Variants in PBX3 observed in about 807,000 individuals in gnomAD.
PBX3 encodes pre-B-cell leukemia transcription factor 3.
A neutral mutation model predicts 48.5 loss-of-function variants in PBX3; 14 were observed. The observed-to-expected ratio is 0.29, with a 90% CI of 0.19 to 0.45. The LOEUF (loss-of-function observed/expected upper bound fraction) is 0.45, where lower values mean the gene tolerates loss of function less well. Ranked by LOEUF, PBX3 falls within the 20% of genes least tolerant of loss-of-function variation. The pLI is 1.00. For missense variants in PBX3, 386 were observed against 546.7 expected (o/e 0.71, Z 2.93); for synonymous variants, 210 against 200.3 (o/e 1.05, Z -0.41).
chr9:125,789,237 A>G (rs1837536960), intron 2 of PBX3, among the ~76,000 whole-genome samples: 1 of 152,226 alleles, frequency 6.6e-6, no homozygotes, highest in Non-Finnish European at 1.5e-5. Flanking sequence ...TTGCTGCATA[A>G]GGAATAGCCC....
chr9:125,813,456 T>G (rs1185454381), intron 2 of PBX3, among the ~76,000 whole-genome samples: 1 of 152,262 alleles, frequency 6.6e-6, no homozygotes, highest in Non-Finnish European at 1.5e-5. Context: ...TGTATAACAG[T>G]AAATGCAAAC....
chr9:125,808,530 G>A (rs1413464400), intron 2 of PBX3, among the ~76,000 whole-genome samples: 2 of 152,100 alleles, frequency 1.3e-5, no homozygotes, highest in Non-Finnish European at 2.9e-5. Context: ...GCCAGGTGTG[G>A]TGGCATGCGT....
chr9:125,925,990 T>C (rs1213997263), intron 3 of PBX3, among the ~76,000 whole-genome samples: 1 of 152,232 alleles, frequency 6.6e-6, no homozygotes, highest in Non-Finnish European at 1.5e-5. Flanking sequence ...GACTATTAGT[T>C]AACATTCTAT....
chr9:125,763,035 G>A (rs759557958), intron 2 of PBX3, among the ~76,000 whole-genome samples: 3 of 152,124 alleles, frequency 2.0e-5, no homozygotes, highest in Non-Finnish European at 4.4e-5. Flanking sequence ...GACACAAACT[G>A]TGCCATTTAT....
chr9:125,817,340 C>G (rs969511887), intron 2 of PBX3, among the ~76,000 whole-genome samples: 1 of 152,186 alleles, frequency 6.6e-6, no homozygotes, highest in East Asian at 1.9e-4. Flanking sequence ...ATTTGCATCC[C>G]ACATTCCAAC....
At chr9:125,867,983 C>T (rs1319909494) in intron 2 of PBX3, among the ~76,000 whole-genome samples, 1 of 152,108 alleles carries the variant, frequency 6.6e-6, no homozygotes, top group African/African-American at 2.4e-5. Context: ...TCAAGCTAGC[C>T]TCCCACCTCA....
At chr9:125,952,798 T>C (rs1386402591) in intron 5 of PBX3, among the ~76,000 whole-genome samples, 1 of 152,178 alleles carries the variant, frequency 6.6e-6, no homozygotes, top group Admixed American at 6.5e-5. Context: ...ATGTATATTT[T>C]TCTAATTTAA....
chr9:125,860,525 AT>A (rs1839835033), intron 2 of PBX3, among the ~76,000 whole-genome samples: 1 of 152,196 alleles, frequency 6.6e-6, no homozygotes, highest in Non-Finnish European at 1.5e-5. Flanking sequence ...TGTTAGTGTA[AT>A]GGGGAAATTG....
chr9:125,931,117 C>G (rs1841704799), intron 4 of PBX3, among the ~76,000 whole-genome samples: 1 of 152,034 alleles, frequency 6.6e-6, no homozygotes, highest in Non-Finnish European at 1.5e-5. Flanking sequence ...ACAATATTCT[C>G]TCTCTTTTTG....
At chr9:125,863,248 A>G (rs1481624268) in intron 2 of PBX3, among the ~76,000 whole-genome samples, 2 of 143,784 alleles carry the variant, frequency 1.4e-5, no homozygotes, top group East Asian at 2.1e-4. Flanking sequence ...TCTGTCACCA[A>G]GCTGGAGTGC....
Position 125,823,114 on chromosome 9 carries a change from T to C in PBX3, c.274+74491T>C, listed in dbSNP as rs1699273874. 3.3e-5 allele frequency among the ~76,000 whole-genome samples: 5 copies of C among 152,332 alleles called. No individual in the cohort carries two copies. The South Asian group carries it at 1.0e-3, about 32-fold the overall frequency. ...TGTGTAAGTTTGTGGTATGGTCATA[T>C]TTGATGACGCTTCTGTGGTTCTTGA... On this transcript the variant is annotated intron_variant, in intron 2 of 8. Transcript: ENST00000373489.
chr9:125,938,471 T>A (rs902706322), intron 5 of PBX3, among the ~76,000 whole-genome samples: 1 of 151,224 alleles, frequency 6.6e-6, no homozygotes, highest in Non-Finnish European at 1.5e-5. Context: ...ACAAGAGATT[T>A]AAAAAAAAAG....
intron 2 of PBX3, among the ~76,000 whole-genome samples, chr9:125,826,765 ATATT>A (rs1250826790): frequency 6.6e-6 from 1 of 152,110 alleles, no homozygotes; most frequent in Non-Finnish European, 1.5e-5. Context: ...AATATTTTCT[ATATT>A]TATGGTGTAC....
intron 2 of PBX3, among the ~76,000 whole-genome samples, chr9:125,774,893 A>T (rs1469413714): frequency 2.0e-5 from 3 of 151,044 alleles, no homozygotes; most frequent in Non-Finnish European, 4.4e-5. Flanking sequence ...TTTTTTTAAG[A>T]CAGAGTCTCG....
At chr9:125,798,536 T>G (rs1285387832) in intron 2 of PBX3, among the ~76,000 whole-genome samples, 1 of 152,184 alleles carries the variant, frequency 6.6e-6, no homozygotes. Context: ...GTATGGTGAT[T>G]GTTTACATTT....
chr9:125,920,794 ACACT>A (rs1841440894), intron 3 of PBX3, among the ~76,000 whole-genome samples: 1 of 152,208 alleles, frequency 6.6e-6, no homozygotes, highest in Non-Finnish European at 1.5e-5. Context: ...ACCAAGGAAT[ACACT>A]GAATGTGCTC....
intron 2 of PBX3, among the ~76,000 whole-genome samples, chr9:125,793,212 C>A (rs1447133550): frequency 6.7e-6 from 1 of 149,728 alleles, no homozygotes; most frequent in Non-Finnish European, 1.5e-5. Flanking sequence ...ATTAGCCAGG[C>A]GTGGTGGTGG....
intron 3 of PBX3, among the ~76,000 whole-genome samples, chr9:125,927,898 G>T (rs1380863021): frequency 6.6e-6 from 1 of 151,940 alleles, no homozygotes; most frequent in African/African-American, 2.4e-5. Flanking sequence ...AATTAGCTGG[G>T]GGCCAGGCGC....
At position 125,775,107 on chromosome 9, in the gene PBX3, T is replaced by G. The variant is rs781233057; in HGVS notation, c.274+26484T>G. ...GTCTCAAACTCCTGACTTCAGGTGA[T>G]CCACCCACCTCAGCCTCCCAAAGTG... On this transcript the variant is annotated intron_variant, in intron 2 of 8. Coordinates refer to ENST00000373489, the MANE Select transcript of PBX3 (RefSeq NM_006195.6). Among the ~76,000 whole-genome samples, 40 of 152,318 alleles carry G rather than the reference T, an allele frequency of 2.6e-4. No individual in the cohort carries two copies. In the Middle Eastern group the frequency reaches 0.01, roughly 39 times the overall value.
Sources: gnomAD v4.1 joint callset for allele counts (sites outside exome capture counted in the v4.1 genomes callset) on GRCh38, gnomAD v4.1.1 for gene constraint, MANE v1.5 for transcripts, NCBI Gene and HGNC (gene_info 2026-07-23, HGNC 2026-07-21) for gene names.